The following SUSD6 variants were observed in gnomAD, a reference collection of about 807,000 sequenced individuals.
The protein encoded by SUSD6 is sushi domain containing 6, also known as sushi domain-containing protein 6.
Under a neutral mutation model 28.4 loss-of-function variants are expected in SUSD6, and 16 were observed. The ratio of observed to expected loss-of-function variants is 0.56; its 90% CI spans 0.38 to 0.86. SUSD6 has a LOEUF of 0.86. Among genes scored for constraint, SUSD6 ranks in the 40% least tolerant of loss-of-function variants. SUSD6 has a pLI of 0.00. For missense variants in SUSD6, 341 were observed against 384.2 expected, an observed-to-expected ratio of 0.89 and a Z score of 0.94; for synonymous variants, 147 against 159.6, an observed-to-expected ratio of 0.92 and a Z score of 0.59.
At chr14:69,662,475 G>A (rs1215445658) in intron 2 of SUSD6, among the ~76,000 whole-genome samples, 1 of 152,146 alleles carries the variant, frequency 6.6e-6, no homozygotes, top group Non-Finnish European at 1.5e-5. Flanking sequence ...CTCGAGATTT[G>A]CAGTTATAGC....
intron 2 of SUSD6, chr14:69,670,443 G>T (rs1480541004): frequency 4.4e-6 from 2 of 456,758 alleles, no homozygotes; most frequent in Non-Finnish European, 8.8e-6. Flanking sequence ...GGGGTCTCCT[G>T]ACTCAGCTTG....
At chr14:69,644,611 C>T (rs1402115338) in intron 1 of SUSD6, among the ~76,000 whole-genome samples, 1 of 151,926 alleles carries the variant, frequency 6.6e-6, no homozygotes, top group Non-Finnish European at 1.5e-5. Context: ...CCACTGCACT[C>T]CAGCCTTGCG....
chr14:69,691,797 T>C lies in SUSD6; in HGVS notation c.122-11598T>C, dbSNP rs538560541. The stretch of plus-strand genomic sequence containing the variant: ...GCTCACGCCTGTAATCCCAGTACTT[T>C]GGGAGGCTGAGGCGGGTGGATTACC... On this transcript the variant is annotated intron_variant, in intron 2 of 5. Transcript: ENST00000342745. Among the ~76,000 whole-genome samples the C allele has an allele frequency of 1.5e-4, 23 of 152,246 alleles. No individual in the cohort carries two copies. The South Asian group carries it at 4.8e-3, about 32-fold the overall frequency.
At chr14:69,625,941 TAAGGA>T (rs1885108158) in intron 1 of SUSD6, among the ~76,000 whole-genome samples, 1 of 152,174 alleles carries the variant, frequency 6.6e-6, no homozygotes, top group Admixed American at 6.5e-5. Flanking sequence ...TTTGCTTCTC[TAAGGA>T]AGGCCTCTCT....
chr14:69,639,559 C>T (rs1258062589), intron 1 of SUSD6, among the ~76,000 whole-genome samples: 4 of 152,094 alleles, frequency 2.6e-5, no homozygotes, highest in Non-Finnish European at 5.9e-5. Flanking sequence ...GAGAGAATCA[C>T]GGAGTTGGTC....
intron 1 of SUSD6, among the ~76,000 whole-genome samples, chr14:69,616,171 C>G (rs1884956935): frequency 6.6e-6 from 1 of 152,196 alleles, no homozygotes; most frequent in African/African-American, 2.4e-5. Context: ...AGGATCTTCT[C>G]TGGTGAAAAA....
chr14:69,612,125 C>A (rs966052100), intron 1 of SUSD6, among the ~76,000 whole-genome samples: 1 of 151,812 alleles, frequency 6.6e-6, no homozygotes, highest in Non-Finnish European at 1.5e-5. Context: ...GACCCGCGGT[C>A]CGGGGCGCGC....
chr14:69,632,745 C>G (rs1399375191), intron 1 of SUSD6, among the ~76,000 whole-genome samples: 2 of 152,092 alleles, frequency 1.3e-5, no homozygotes, highest in African/African-American at 2.4e-5. Flanking sequence ...ATGACTGACC[C>G]TAGCATTTGG....
intron 1 of SUSD6, among the ~76,000 whole-genome samples, chr14:69,652,659 C>G (rs1454849520): frequency 6.6e-6 from 1 of 152,150 alleles, no homozygotes; most frequent in African/African-American, 2.4e-5. Flanking sequence ...GCCCCAGGCA[C>G]GTGGACTGAG....
chr14:69,694,920 G>A (rs1036015193), intron 2 of SUSD6, among the ~76,000 whole-genome samples: 4 of 152,016 alleles, frequency 2.6e-5, no homozygotes, highest in Admixed American at 6.5e-5. Flanking sequence ...GTGGGGGCCC[G>A]AGAAGAGCCA....
intron 1 of SUSD6, among the ~76,000 whole-genome samples, chr14:69,636,906 A>G (rs1028783424): frequency 2.0e-5 from 3 of 152,222 alleles, no homozygotes; most frequent in Admixed American, 2.0e-4. Context: ...TGGTTCAGCC[A>G]TTCTCTCAAG....
intron 2 of SUSD6, among the ~76,000 whole-genome samples, chr14:69,676,425 G>C (rs1885910777): frequency 6.6e-6 from 1 of 150,750 alleles, no homozygotes; most frequent in Admixed American, 6.6e-5. Flanking sequence ...CTGTTTCCCA[G>C]ATTGGAGTGT....
At chr14:69,620,789 A>G (rs1468030973) in intron 1 of SUSD6, among the ~76,000 whole-genome samples, 1 of 152,152 alleles carries the variant, frequency 6.6e-6, no homozygotes, top group Non-Finnish European at 1.5e-5. Context: ...CTAGTTTTTA[A>G]TCTGGGAATG....
chr14:69,623,000 T>C (rs1055632227), intron 1 of SUSD6, among the ~76,000 whole-genome samples: 2 of 152,208 alleles, frequency 1.3e-5, no homozygotes, highest in Admixed American at 6.5e-5. Flanking sequence ...TGGCAGCAAC[T>C]GTACTTGTAT....
At position 69,694,654 on chromosome 14, in the gene SUSD6, C is replaced by T. The variant is rs540384332; in HGVS notation, c.122-8741C>T. On this transcript the variant is annotated intron_variant, in intron 2 of 5. Transcript: ENST00000342745. ...AGAGGCTTAGGTGCCACTAAAAGCA[C>T]TTTCTTTTATTGAACGCTGTGCCTC... 2.0e-5 allele frequency among the ~76,000 whole-genome samples: 3 copies of T among 152,302 alleles called. No homozygotes were observed. In the South Asian group the frequency reaches 6.2e-4, roughly 32 times the overall value.
chr14:69,640,146 A>T (rs907903861), intron 1 of SUSD6, among the ~76,000 whole-genome samples: 1 of 151,638 alleles, frequency 6.6e-6, no homozygotes, highest in East Asian at 1.9e-4. Flanking sequence ...CTCCTCCAGG[A>T]TGTGTAGAGA....
intron 2 of SUSD6, among the ~76,000 whole-genome samples, chr14:69,702,555 C>T (rs959854975): frequency 6.6e-6 from 1 of 152,204 alleles, no homozygotes; most frequent in South Asian, 2.1e-4. Flanking sequence ...ACCTTGACAC[C>T]CATACCCCTT....
chr14:69,622,325 C>T (rs116827447), intron 1 of SUSD6, among the ~76,000 whole-genome samples: 5,709 of 152,074 alleles, frequency 0.038, 378 homozygotes, highest in African/African-American at 0.13. Flanking sequence ...TCACCATGCC[C>T]GGCCAATTTT....
intron 1 of SUSD6, among the ~76,000 whole-genome samples, chr14:69,620,551 G>A (rs1885021891): frequency 6.6e-6 from 1 of 152,210 alleles, no homozygotes; most frequent in Non-Finnish European, 1.5e-5. Context: ...AGTAGTGTTG[G>A]AGGAATTTTT....
Sources: gnomAD v4.1 joint callset for allele counts (sites outside exome capture counted in the v4.1 genomes callset) on GRCh38, gnomAD v4.1.1 for gene constraint, MANE v1.5 for transcripts, NCBI Gene and HGNC (gene_info 2026-07-23, HGNC 2026-07-21) for gene names.